The following COL6A2 variants were observed in gnomAD, a reference collection of about 807,000 sequenced individuals.
COL6A2 encodes the protein collagen alpha-2(VI) chain.
A neutral mutation model predicts 124.9 loss-of-function variants in COL6A2; 90 were observed. The observed-to-expected ratio is 0.72, with a 90% confidence interval of 0.61 to 0.86. The LOEUF (loss-of-function observed/expected upper bound fraction) is 0.86, where lower values mean the gene tolerates loss of function less well. Among genes scored for constraint, COL6A2 ranks in the 40% least tolerant of loss-of-function variants. The probability of loss-of-function intolerance (pLI) is 0.00; values close to 1 mark genes in which losing one functional copy is unlikely to be tolerated. For synonymous variants in COL6A2, 793 were observed against 618.2 expected, an observed-to-expected ratio of 1.28 and a Z score of -4.19; for missense variants, 1,607 against 1,502.5, an observed-to-expected ratio of 1.07 and a Z score of -1.15.
At chr21:46,115,949 GC>G in intron 6 of COL6A2, 24 bp downstream of exon 6, 1 of 1,612,356 alleles carries the variant, frequency 6.2e-7, no homozygotes, top group Non-Finnish European at 8.5e-7. Context: ...CCCCACGCCC[GC>G]CCCGCCTGCA....
rs778875713 is a variant in COL6A2 at position 46,125,423 on chromosome 21, A to C, written c.1817-42A>C. Reference sequence around the variant, plus strand: ...CATGTGCACGTGACCCTAGGGTCTGAGGTCTCCCCGGTACCCCCCGATGAC... The same window carrying C: ...CATGTGCACGTGACCCTAGGGTCTGCGGTCTCCCCGGTACCCCCCGATGAC... On this transcript the variant is annotated intron_variant, in intron 24 of 27. Transcript: ENST00000300527. 23 of 1,610,984 alleles carry C rather than the reference A, an allele frequency of 1.4e-5. No homozygotes were observed. In the South Asian group the frequency reaches 2.4e-4, roughly 17 times the overall value.
In COL6A2 at chr21:46,120,551, G is replaced by A. The variant is rs2078548296; in HGVS notation, c.1369G>A (p.Gly457Arg). ...CCCTGAGGGGCCCCGCGGCCTGGCT[G>A]GAGAGGTTGGCAACAAAGGAGCCAA... Reference protein sequence around the residue: ...PGPEGPRGLAGEVGNKGAKGD... With the variant: ...PGPEGPRGLAREVGNKGAKGD... The change falls in exon 16 of 28, where the codon GGA becomes AGA. Residue 457 changes from glycine (G) to arginine (R), a missense_variant. By Grantham distance (125) the Gly-to-Arg change is moderately radical. Around this residue, in one of 3 missense-constraint regions of COL6A2, gnomAD observed 1,223 missense variants for 1,052.2 expected, o/e 1.16. Transcript: ENST00000300527. 5.4e-6 allele frequency: 8 copies of A among 1,472,830 alleles called. No individual in the cohort carries two copies. Among genetic ancestry groups the A allele is most frequent in the African/African-American group, 2.9e-5 (2 of 69,652 alleles). 91.2% of individuals were successfully genotyped at this position (1,472,830 alleles called of 1,614,324 possible).
At position 46,112,361 on chromosome 21, in the gene COL6A2, C is replaced by G; in HGVS notation, c.498C>G (p.Thr166=). 1 of 1,608,548 alleles carries G rather than the reference C, an allele frequency of 6.2e-7. No individual in the cohort carries two copies. Among genetic ancestry groups the G allele is most frequent in the Non-Finnish European group, 8.5e-7 (1 of 1,178,288 alleles). ...FAVVITDGHV[T]GSPCGGIKLQ... ...TGGTCATCACCGACGGCCACGTCAC[C>G]GGCAGCCCCTGCGGGGGCATCAAGC... The change falls in exon 3 of 28, where the codon ACC becomes ACG. Residue 166 remains threonine, a synonymous_variant. Transcript: ENST00000300527.
chr21:46,112,252 G>A lies in COL6A2; in HGVS notation c.389G>A (p.Arg130His), dbSNP rs200387819. The change falls in exon 3 of 28, where the codon CGC (arginine) becomes CAC (histidine). Residue 130 changes from arginine to histidine, a missense_variant. Physicochemically the swap from Arg to His is conservative, Grantham distance 29. Around this residue, in one of 3 missense-constraint regions of COL6A2, gnomAD observed 342 missense variants for 381.5 expected, o/e 0.90. Coordinates refer to ENST00000300527, the MANE Select transcript of COL6A2 (RefSeq NM_001849.4). ...CTGCAGGGCATCAGCTCCTTCCGCC[G>A]CGGCACCTTCACCGACTGCGCGCTG... ...KNLQGISSFR[R>H]GTFTDCALAN... 61 of 1,612,798 alleles carry A rather than the reference G, an allele frequency of 3.8e-5. No homozygotes were observed. Among genetic ancestry groups the A allele is most frequent in the South Asian group, 6.6e-5 (6 of 91,076 alleles).
rs914141595 is a variant in COL6A2 at position 46,110,115 on chromosome 21, CAG to C, written c.-27-1334_-27-1333del. 1.1e-4 allele frequency among the ~76,000 whole-genome samples: 16 copies of C among 152,236 alleles called. No individual in the cohort carries two copies. The East Asian group carries it at 2.1e-3, about 20-fold the overall frequency. On this transcript the variant is annotated intron_variant, in intron 1 of 27. Transcript: ENST00000300527. ...TCCAGACCTGGGCCAGCATCCCAGACAGGGGCAACACCGCCGTGAGCTCCCCT... is the reference window on the plus strand; with the variant it reads ...TCCAGACCTGGGCCAGCATCCCAGACGGGCAACACCGCCGTGAGCTCCCCT...
Position 46,124,714 on chromosome 21 carries a change from G to C in COL6A2, c.1734+1G>C. The C allele has an allele frequency of 6.2e-7, 1 of 1,612,646 alleles. No individual in the cohort carries two copies. Among genetic ancestry groups the C allele is most frequent in the Non-Finnish European group, 8.5e-7 (1 of 1,179,854 alleles). The stretch of plus-strand genomic sequence containing the variant: ...GCCAAGAGGAGTCCCAGGACCCGAG[G>C]TAGGTTGGTGGCCAGTCCCCATGCC... On this transcript the variant is annotated splice_donor_variant, in intron 22 of 27. Transcript: ENST00000300527. LOFTEE classifies it high-confidence loss of function.
chr21:46,123,067 A>T (rs1190910452), intron 21 of COL6A2, 130 bp downstream of exon 21: 2 of 888,440 alleles, frequency 2.3e-6, no homozygotes, highest in African/African-American at 3.6e-5. Flanking sequence ...CACCACCCCC[A>T]CCTTCCTAAA....
At chr21:46,100,274 G>A (rs2078275051) in intron 1 of COL6A2, among the ~76,000 whole-genome samples, 1 of 152,058 alleles carries the variant, frequency 6.6e-6, no homozygotes, top group African/African-American at 2.4e-5. Context: ...TTTCTTTTAA[G>A]AGACGGGGTC....
In COL6A2 at chr21:46,116,120, C is replaced by A. The variant is rs564061388; in HGVS notation, c.900+67C>A. 1.4e-4 allele frequency: 208 copies of A among 1,500,884 alleles called. No individual in the cohort carries two copies. The highest frequency in any genetic ancestry group is 4.8e-4 in the South Asian group (40 of 83,190). 93.0% of individuals were successfully genotyped at this position (1,500,884 alleles called of 1,614,324 possible). On this transcript the variant is annotated intron_variant, in intron 7 of 27. Coordinates refer to ENST00000300527, the MANE Select transcript of COL6A2 (RefSeq NM_001849.4). This position sits in a 1 kb window ranked among gnomAD's most constrained non-coding sequence, Gnocchi z 4.6. ...CCAGCACTGCCAGGCAGGCTCCCCC[C>A]AGCCCAGCCTCGGCCTCAGCCTCTA...
intron 27 of COL6A2, among the ~76,000 whole-genome samples, chr21:46,131,558 G>A (rs968568155): frequency 1.3e-5 from 2 of 152,204 alleles, no homozygotes; most frequent in Admixed American, 6.5e-5. Context: ...CAGAGCCAGG[G>A]TCCTCCTTAA....
At chr21:46,117,776 G>A (rs559441855) in intron 11 of COL6A2, 98 bp from the exon 12 acceptor site, 613 of 1,240,436 alleles carry the variant, frequency 4.9e-4, no homozygotes, top group Non-Finnish European at 6.7e-4. Context: ...AGGGTGGGAG[G>A]TGCGTCCCGG....
rs1003661999 is a variant in COL6A2 at position 46,116,544 on chromosome 21, G to T, written c.928-107G>T. 7.0e-6 allele frequency: 11 copies of T among 1,580,488 alleles called. No individual in the cohort carries two copies. The highest frequency in any genetic ancestry group is 8.7e-7 in the Non-Finnish European group (1 of 1,153,984). ...GTGGTGGCTTTGGGGGCTCCTGGGG[G>T]GTCCTGTGGCCTTGAGTTTGGCCCA... On this transcript the variant is annotated intron_variant, in intron 8 of 27. Coordinates refer to ENST00000300527, the MANE Select transcript of COL6A2 (RefSeq NM_001849.4). The surrounding 1 kb of genome is among the most constrained non-coding windows in gnomAD (Gnocchi z 4.6).
chr21:46,115,777 C>T (rs1242401237), intron 5 of COL6A2, 95 bp from the exon 6 acceptor site: 20 of 1,134,006 alleles, frequency 1.8e-5, no homozygotes, highest in Non-Finnish European at 6.5e-6. Context: ...TCAGTAACCT[C>T]TGCTGTGTCA....
rs2078591850 is a variant in COL6A2, at chr21:46,123,038, G to T, written c.1671+101G>T. Reference sequence around the variant, plus strand: ...TATGAGTACAGGAGAACGCCAGGCAGCTTGGCCCCAGCCATGAGCACCACC... The same window carrying T: ...TATGAGTACAGGAGAACGCCAGGCATCTTGGCCCCAGCCATGAGCACCACC... On this transcript the variant is annotated intron_variant, in intron 21 of 27. Transcript: ENST00000300527. 1.7e-5 allele frequency: 21 copies of T among 1,210,298 alleles called. No homozygotes were observed. The South Asian group carries it at 2.5e-4, about 15-fold the overall frequency. 75.0% of individuals were successfully genotyped at this position (1,210,298 alleles called of 1,614,324 possible). A position where few individuals can be genotyped will look rare whatever the true frequency, so the allele number is the denominator to read the frequency against.
chr21:46,131,307 G>A (rs943028896), intron 27 of COL6A2, among the ~76,000 whole-genome samples: 5 of 152,324 alleles, frequency 3.3e-5, no homozygotes, highest in Admixed American at 6.5e-5. Context: ...AGCTGTCCCC[G>A]ATGCCCAGGG....
chr21:46,123,941 ATGGG>A (rs2078614579), intron 21 of COL6A2, among the ~76,000 whole-genome samples: 1 of 125,880 alleles, frequency 7.9e-6, no homozygotes, highest in Non-Finnish European at 1.7e-5. Flanking sequence ...TGGGTAGGTG[ATGGG>A]TGGATGAGTG....
Position 46,125,591 on chromosome 21 carries a change from T to C in COL6A2, c.1943T>C (p.Ile648Thr). 6.2e-7 allele frequency: 1 copy of C among 1,610,214 alleles called. No homozygotes were observed. The highest frequency in any genetic ancestry group is 8.5e-7 in the Non-Finnish European group (1 of 1,179,054). Residue 648 changes from isoleucine (I) to threonine (T), a missense_variant, in exon 25 of 28, where the codon ATC becomes ACC. Transcript: ENST00000300527. ...AACGTGGTCAACAGGCTGGGTGCCA[T>C]CGCTAAGGACCCCAAGTCCGAGACA... Reference protein sequence around the residue: ...VINVVNRLGAIAKDPKSETGT... With the variant: ...VINVVNRLGATAKDPKSETGT...
chr21:46,123,338 C>T (rs1316029835), intron 21 of COL6A2, among the ~76,000 whole-genome samples: 1 of 150,982 alleles, frequency 6.6e-6, no homozygotes, highest in African/African-American at 2.4e-5. Context: ...TAGCATCCCC[C>T]TCAGAGTTCC....
Position 46,119,015 on chromosome 21 carries a change from C to T in COL6A2, c.1180-15C>T, listed in dbSNP as rs754625677. Reference sequence around the variant, plus strand: ...CCCTGCCTCTGGGTGACTGTGCTGTCCTCTCCTTCTTCAGGGGTATCAAGG... The same window carrying T: ...CCCTGCCTCTGGGTGACTGTGCTGTTCTCTCCTTCTTCAGGGGTATCAAGG... On this transcript the variant is annotated splice_polypyrimidine_tract_variant and intron_variant, in intron 13 of 27. Coordinates refer to ENST00000300527, the MANE Select transcript of COL6A2 (RefSeq NM_001849.4). The T allele has an allele frequency of 2.5e-6, 4 of 1,589,946 alleles. No individual in the cohort carries two copies. Among genetic ancestry groups the T allele is most frequent in the Admixed American group, 3.3e-5 (2 of 59,950 alleles).
Sources: allele counts gnomAD v4.1 joint callset (sites outside exome capture counted in the v4.1 genomes callset), GRCh38; gene constraint gnomAD v4.1.1; regional missense constraint gnomAD v4.1.1; non-coding constraint Gnocchi (gnomAD v3.1); transcripts MANE v1.5; gene names NCBI Gene and HGNC (gene_info 2026-07-23, HGNC 2026-07-21).